KAT7: variants seen among roughly 807,000 people sequenced by gnomAD.
KAT7 encodes histone acetyltransferase KAT7.
Under a neutral mutation model 82.1 loss-of-function variants are expected in KAT7, and 10 were observed. The ratio of observed to expected loss-of-function variants is 0.12; its 90% CI spans 0.08 to 0.21. KAT7 has a LOEUF of 0.21. Ranked by LOEUF, KAT7 falls within the 10% of genes least tolerant of loss-of-function variation. The pLI is 1.00. For missense variants in KAT7, 378 were observed against 760.9 expected (o/e 0.50, Z 5.92); for synonymous variants, 250 against 262.5 (o/e 0.95, Z 0.46).
rs2074428599 is a variant in KAT7, at chr17:49,831,975, A to ATTT, written c.*4473_*4474insTTT. Reference sequence around the variant, plus strand: ...CACCCAGCCATTTTTTTTTTTTTTAAGACGACGTCTCACTCTGTCACCTAT... The same window carrying ATTT: ...CACCCAGCCATTTTTTTTTTTTTTAATTTGACGACGTCTCACTCTGTCACCTAT... On this transcript the variant is annotated 3_prime_UTR_variant, in exon 15 of 15. Coordinates refer to ENST00000259021, the MANE Select transcript of KAT7 (RefSeq NM_007067.5). 3 of 140,652 alleles carry ATTT rather than the reference A, an allele frequency of 2.1e-5. No homozygotes were observed. The highest frequency in any genetic ancestry group is 4.5e-5 in the Non-Finnish European group (3 of 65,942). The allele number at this position is 140,652 out of a possible 1,614,324, so 8.7% of individuals were successfully genotyped here.
rs563983955 is a variant in KAT7 at position 49,828,283 on chromosome 17, A to G, written c.*781A>G. On this transcript the variant is annotated 3_prime_UTR_variant, in exon 15 of 15. Transcript: ENST00000259021. ...CTCACCGTAAAGTACTCACTAGTAA[A>G]TATTTCCTTCTCTCTTTACTCCCAC... 1 of 152,260 alleles carries G rather than the reference A, an allele frequency of 6.6e-6. No individual in the cohort carries two copies. The highest frequency in any genetic ancestry group is 1.9e-4 in the East Asian group (1 of 5,186). 9.4% of individuals were successfully genotyped at this position (152,260 alleles called of 1,614,324 possible).
At chr17:49,793,032 C>T (rs549105873) in intron 2 of KAT7, among the ~76,000 whole-genome samples, 7 of 152,306 alleles carry the variant, frequency 4.6e-5, no homozygotes, top group Non-Finnish European at 8.8e-5. Context: ...AGGCTGGTCT[C>T]AAACTCCTGG....
chr17:49,801,722 T>C (rs915268418), intron 4 of KAT7, among the ~76,000 whole-genome samples: 1 of 152,220 alleles, frequency 6.6e-6, no homozygotes, highest in Non-Finnish European at 1.5e-5. Context: ...ACTCCTGGGC[T>C]CAAGTGACCC....
At chr17:49,801,276 C>T (rs373349602) in intron 4 of KAT7, among the ~76,000 whole-genome samples, 6 of 152,250 alleles carry the variant, frequency 3.9e-5, no homozygotes, top group Admixed American at 1.3e-4. Flanking sequence ...TTCCGCCTCC[C>T]GGGCTCAAGT....
chr17:49,806,024 C>T (rs1476841481), intron 5 of KAT7, among the ~76,000 whole-genome samples: 3 of 152,168 alleles, frequency 2.0e-5, no homozygotes, highest in African/African-American at 4.8e-5. Context: ...CCCATTTGTG[C>T]GTTCTTGTGT....
chr17:49,800,927 A>G (rs142043986), intron 4 of KAT7, among the ~76,000 whole-genome samples: 150 of 152,224 alleles, frequency 9.9e-4, no homozygotes, highest in African/African-American at 3.4e-3. Context: ...TTGAGCGGAG[A>G]CTTGCTGTTG....
intron 4 of KAT7, among the ~76,000 whole-genome samples, chr17:49,799,342 G>A (rs976048888): frequency 6.6e-6 from 1 of 152,128 alleles, no homozygotes; most frequent in African/African-American, 2.4e-5. Flanking sequence ...GTAAATTGCT[G>A]CTTGGCAGGC....
chr17:49,809,042 T>G lies in KAT7; in HGVS notation c.664-77T>G, dbSNP rs531745451. 1.1e-4 allele frequency: 125 copies of G among 1,100,798 alleles called. No individual in the cohort carries two copies. In the East Asian group the frequency reaches 2.4e-3, roughly 21 times the overall value. The allele number at this position is 1,100,798 out of a possible 1,614,324, so 68.2% of individuals were successfully genotyped here. Reference sequence around the variant, plus strand: ...AAAGTACAACATAAATCCAAGGCATTATCATTGTATTCTTATGCTTTAAGT... The same window carrying G: ...AAAGTACAACATAAATCCAAGGCATGATCATTGTATTCTTATGCTTTAAGT... On this transcript the variant is annotated intron_variant, in intron 5 of 14. Coordinates refer to ENST00000259021, the MANE Select transcript of KAT7 (RefSeq NM_007067.5).
intron 12 of KAT7, among the ~76,000 whole-genome samples, chr17:49,825,310 G>C (rs562577749): frequency 2.6e-5 from 4 of 152,178 alleles, no homozygotes; most frequent in Non-Finnish European, 4.4e-5. Context: ...GAGCTAATCT[G>C]TTCTTACCAT....
In KAT7 at chr17:49,805,354, C is replaced by A. The variant is rs761339749; in HGVS notation, c.581-9C>A. On this transcript the variant is annotated splice_polypyrimidine_tract_variant and intron_variant, in intron 4 of 14. Coordinates refer to ENST00000259021, the MANE Select transcript of KAT7 (RefSeq NM_007067.5). Reference sequence around the variant, plus strand: ...CTTTCTTGAGATTAAGTTTTCCCTCCTTTAACAGGACACCTTACAGGAAAA... The same window carrying A: ...CTTTCTTGAGATTAAGTTTTCCCTCATTTAACAGGACACCTTACAGGAAAA... 6.3e-7 allele frequency: 1 copy of A among 1,593,272 alleles called. No homozygotes were observed. The highest frequency in any genetic ancestry group is 1.7e-5 in the Admixed American group (1 of 59,822).
intron 9 of KAT7, among the ~76,000 whole-genome samples, chr17:49,820,860 GGTTTTT>G (rs1283446266): frequency 1.3e-5 from 2 of 150,652 alleles, no homozygotes; most frequent in Non-Finnish European, 2.9e-5. Context: ...AGTGGTACAT[GGTTTTT>G]ATCATTGTGA....
At position 49,809,216 on chromosome 17, in the gene KAT7, C is replaced by T; in HGVS notation, c.753+8C>T. 1.2e-6 allele frequency: 2 copies of T among 1,609,558 alleles called. No homozygotes were observed. Among genetic ancestry groups the T allele is most frequent in the Non-Finnish European group, 1.7e-6 (2 of 1,175,948 alleles). ...CATGCAACCAGGCACCAGGTATGGGCCTTGTTAAAGCACTGGCCATTCATA... is the reference window on the plus strand; with the variant it reads ...CATGCAACCAGGCACCAGGTATGGGTCTTGTTAAAGCACTGGCCATTCATA... On this transcript the variant is annotated splice_region_variant and intron_variant, in intron 6 of 14. Coordinates refer to ENST00000259021, the MANE Select transcript of KAT7 (RefSeq NM_007067.5).
Position 49,830,179 on chromosome 17 carries a change from ATTTTTTTTTTTTTTTTTTT to A in KAT7, c.*2688_*2706del, listed in dbSNP as rs1163899442. The stretch of plus-strand genomic sequence containing the variant: ...AGGCGTGAGCCACTGCACCCGACCT[ATTTTTTTTTTTTTTTTTTT>A]TTTTTTTTTTAAAAAAAGACAGTCT... On this transcript the variant is annotated 3_prime_UTR_variant, in exon 15 of 15. Coordinates refer to ENST00000259021, the MANE Select transcript of KAT7 (RefSeq NM_007067.5). 1 of 82,194 alleles carries A rather than the reference ATTTTTTTTTTTTTTTTTTT, an allele frequency of 1.2e-5. No homozygotes were observed. Among genetic ancestry groups the A allele is most frequent in the Non-Finnish European group, 2.3e-5 (1 of 43,912 alleles). The allele number at this position is 82,194 out of a possible 1,614,324, so 5.1% of individuals were successfully genotyped here. A position where few individuals can be genotyped will look rare whatever the true frequency, so the allele number is the denominator to read the frequency against.
Position 49,798,471 on chromosome 17 carries a change from G to A in KAT7, c.493G>A (p.Asp165Asn). 2 of 1,614,170 alleles carry A rather than the reference G, an allele frequency of 1.2e-6. No homozygotes were observed. The highest frequency in any genetic ancestry group is 1.3e-5 in the African/African-American group (1 of 75,026). Residue 165 changes from aspartate to asparagine, a missense_variant, in exon 4 of 15, where the codon GAT becomes AAT. Transcript: ENST00000259021. ...CATGTCCCTGAAGGACTCAGGCAGT[G>A]ATCTCTCTCATCGCCCCAAGCGCCG... ...KDMSLKDSGS[D>N]LSHRPKRRRF...
At chr17:49,790,646 T>C (rs2073875504) in intron 1 of KAT7, among the ~76,000 whole-genome samples, 1 of 152,230 alleles carries the variant, frequency 6.6e-6, no homozygotes, top group African/African-American at 2.4e-5. Flanking sequence ...AAACCTGTCT[T>C]AATCTGTCCT....
chr17:49,814,942 C>T (rs749935371), intron 7 of KAT7: 6 of 152,134 alleles, frequency 3.9e-5, no homozygotes, highest in Non-Finnish European at 7.3e-5. Flanking sequence ...CACTTAACTA[C>T]CATTATCTCC....
At chr17:49,813,455 T>TA (rs2074195446) in intron 7 of KAT7, among the ~76,000 whole-genome samples, 3 of 152,184 alleles carry the variant, frequency 2.0e-5, no homozygotes. Flanking sequence ...GATAGATTCT[T>TA]AAACATAGGG....
In KAT7 at chr17:49,802,904, T is replaced by C. The variant is rs532438443; in HGVS notation, c.581-2459T>C. ...CCGTGCCTGGCTAATTATTTTTCTT[T>C]TTGTAGAAATGGAGTCTCACTATGT... is the stretch of plus-strand genomic sequence containing the variant. On this transcript the variant is annotated intron_variant, in intron 4 of 14. Coordinates refer to ENST00000259021, the MANE Select transcript of KAT7 (RefSeq NM_007067.5). 4.6e-5 allele frequency among the ~76,000 whole-genome samples: 7 copies of C among 152,056 alleles called. 1 individual carries two copies. The highest frequency in any genetic ancestry group is 4.6e-4 in the Admixed American group (7 of 15,274).
In KAT7 at chr17:49,815,797, T is replaced by C; in HGVS notation, c.853-6T>C. 2 of 1,566,624 alleles carry C rather than the reference T, an allele frequency of 1.3e-6. No individual in the cohort carries two copies. The highest frequency in any genetic ancestry group is 2.2e-5 in the South Asian group (2 of 90,022). On this transcript the variant is annotated splice_region_variant and splice_polypyrimidine_tract_variant and intron_variant, in intron 7 of 14. Transcript: ENST00000259021. Reference sequence around the variant, plus strand: ...TCAGAGTATCACGCTCTGGTTATTTTCCTAGGAACACAGACAGACCTATGG... The same window carrying C: ...TCAGAGTATCACGCTCTGGTTATTTCCCTAGGAACACAGACAGACCTATGG...
Sources: gnomAD v4.1 joint callset for allele counts (sites outside exome capture counted in the v4.1 genomes callset) on GRCh38, gnomAD v4.1.1 for gene constraint, MANE v1.5 for transcripts, NCBI Gene and HGNC (gene_info 2026-07-23, HGNC 2026-07-21) for gene names.